ZFHX3: variants seen among roughly 807,000 people sequenced by gnomAD.
The protein encoded by ZFHX3 is zinc finger homeobox 3.
In ZFHX3, 42 loss-of-function variants were observed where a neutral mutation model predicts 279.1. The ratio of observed to expected loss-of-function variants is 0.15; its 90% CI spans 0.12 to 0.19. The LOEUF (loss-of-function observed/expected upper bound fraction) is 0.19. Among genes scored for constraint, ZFHX3 ranks in the 10% least tolerant of loss-of-function variants. ZFHX3 has a pLI of 1.00. For synonymous variants in ZFHX3, 2,293 were observed against 1,957.8 expected (o/e 1.17, Z -4.52); for missense variants, 4,981 against 4,754.0 (o/e 1.05, Z -1.40).
chr16:73,008,965 C>T (rs1351792376), intron 1 of ZFHX3, among the ~76,000 whole-genome samples: 1 of 151,096 alleles, frequency 6.6e-6, no homozygotes, highest in Admixed American at 6.6e-5. Context: ...TGTTAAAAAG[C>T]TTAATGAGGT....
At position 72,829,804 on chromosome 16, in the gene ZFHX3, C is replaced by T. The variant is rs1284237792; in HGVS notation, c.3504G>A (p.Glu1168=). 1 of 1,614,230 alleles carries T rather than the reference C, an allele frequency of 6.2e-7. No homozygotes were observed. The highest frequency in any genetic ancestry group is 8.5e-7 in the Non-Finnish European group (1 of 1,180,036). ...GPSETAADPE[E]LAKDQEGGAS... The stretch of plus-strand genomic sequence containing the variant: ...CTCCGCCCTCTTGGTCCTTAGCAAG[C>T]TCCTCTGGATCAGCAGCTGTTTCAC... The change falls in exon 5 of 10, where the codon GAG becomes GAA. Residue 1168 remains glutamate (E), a synonymous_variant. Coordinates refer to ENST00000268489, the MANE Select transcript of ZFHX3 (RefSeq NM_006885.4).
At chr16:72,877,178 G>C (rs1365105053) in intron 4 of ZFHX3, among the ~76,000 whole-genome samples, 4 of 152,188 alleles carry the variant, frequency 2.6e-5, no homozygotes, top group Non-Finnish European at 5.9e-5. Context: ...CCCAGGGTCT[G>C]GGCACAGGTC....
At chr16:73,665,478 T>G (rs892351148) in intron 2 of ZFHX3, among the ~76,000 whole-genome samples, 6 of 151,570 alleles carry the variant, frequency 4.0e-5, no homozygotes, top group Non-Finnish European at 7.4e-5. Flanking sequence ...CCTCCCAAAG[T>G]GTTGGGATTA....
At chr16:73,144,162 A>G (rs1966854649) in intron 5 of ZFHX3, 1 of 186,562 alleles carries the variant, frequency 5.4e-6, no homozygotes, top group Non-Finnish European at 1.1e-5. Flanking sequence ...TCTAAGTCGA[A>G]CTAAAGAAAT....
chr16:73,801,417 C>A (rs1436573795), intron 1 of ZFHX3, among the ~76,000 whole-genome samples: 1 of 152,182 alleles, frequency 6.6e-6, no homozygotes. Flanking sequence ...AGGCGGTGTT[C>A]AATCCTTTCC....
chr16:73,428,604 C>G lies in ZFHX3; in HGVS notation c.-1291+27399G>C, dbSNP rs528766691. On this transcript the variant is annotated intron_variant, in intron 3 of 17. Coordinates refer to the ZFHX3 transcript ENST00000641206. ...CTTAAACCGAGGGGAGTTAGCAGAGCAAATGCAGGGTCATGTCCATTTATA... is the reference window on the plus strand; with the variant it reads ...CTTAAACCGAGGGGAGTTAGCAGAGGAAATGCAGGGTCATGTCCATTTATA... 1.3e-3 allele frequency among the ~76,000 whole-genome samples: 195 copies of G among 152,236 alleles called. 1 individual carries two copies. The highest frequency in any genetic ancestry group is 1.4e-3 in the Non-Finnish European group (95 of 68,006).
chr16:72,957,853 C>A lies in ZFHX3; in HGVS notation c.2293G>T (p.Val765Phe). The A allele has an allele frequency of 6.2e-7, 1 of 1,613,886 alleles. No individual in the cohort carries two copies. The highest frequency in any genetic ancestry group is 8.5e-7 in the Non-Finnish European group (1 of 1,179,988). The change falls in exon 2 of 10, where the codon GTC (valine) becomes TTC (phenylalanine). Residue 765 changes from valine (V) to phenylalanine (F), a missense_variant. Coordinates refer to ENST00000268489, the MANE Select transcript of ZFHX3 (RefSeq NM_006885.4). ...QNLQNGGGEQ[V>F]FSHTAGAAAA... The stretch of plus-strand genomic sequence containing the variant: ...GCCGCCCCGGCAGTGTGGCTGAAGA[C>A]CTGCTCCCCCCCTCCATTCTGCAGG...
chr16:73,304,976 A>G (rs1381060169), intron 4 of ZFHX3, among the ~76,000 whole-genome samples: 1 of 152,120 alleles, frequency 6.6e-6, no homozygotes, highest in Admixed American at 6.6e-5. Flanking sequence ...CGTCTGGAAG[A>G]TAGATTCCAG....
chr16:73,449,378 C>G (rs1430592786), intron 3 of ZFHX3, among the ~76,000 whole-genome samples: 1 of 152,070 alleles, frequency 6.6e-6, no homozygotes, highest in Non-Finnish European at 1.5e-5. Context: ...TTCTTAAAAA[C>G]AAGCTGGGCA....
intron 6 of ZFHX3, among the ~76,000 whole-genome samples, chr16:73,142,860 G>A (rs182043703): frequency 3.3e-4 from 50 of 152,310 alleles, no homozygotes; most frequent in Admixed American, 1.3e-4. Flanking sequence ...AGAAACTGAC[G>A]TCCAGAAAGG....
At chr16:73,111,873 T>C (rs1215634044) in intron 7 of ZFHX3, among the ~76,000 whole-genome samples, 1 of 152,124 alleles carries the variant, frequency 6.6e-6, no homozygotes, top group Non-Finnish European at 1.5e-5. Context: ...TGTCCCCATT[T>C]TATGGATGGG....
At chr16:73,044,247 C>T (rs1015539504) in intron 1 of ZFHX3, among the ~76,000 whole-genome samples, 17 of 152,064 alleles carry the variant, frequency 1.1e-4, no homozygotes, top group African/African-American at 3.9e-4. Context: ...CATTTGGATA[C>T]CCCTATGAGG....
chr16:72,974,576 C>G (rs1962263467), intron 1 of ZFHX3, among the ~76,000 whole-genome samples: 1 of 110,802 alleles, frequency 9.0e-6, no homozygotes, highest in African/African-American at 3.3e-5. Flanking sequence ...GCAACACACA[C>G]ACACACACAC....
chr16:72,798,157 C>A lies in ZFHX3; in HGVS notation c.4525G>T (p.Asp1509Tyr). 1 of 1,614,188 alleles carries A rather than the reference C, an allele frequency of 6.2e-7. No individual in the cohort carries two copies. Among genetic ancestry groups the A allele is most frequent in the Non-Finnish European group, 8.5e-7 (1 of 1,180,036 alleles). ...GAGTCTTCTTGTACTGACCCAGAGTCACTGCCCGTTGGGCTCTGTTTATCT... is the reference window on the plus strand; with the variant it reads ...GAGTCTTCTTGTACTGACCCAGAGTAACTGCCCGTTGGGCTCTGTTTATCT... ...LEDKQSPTGS[D>Y]SGSVQEDSGS... Residue 1509 changes from aspartate (D) to tyrosine (Y), a missense_variant, in exon 9 of 10, where the codon GAC becomes TAC. Asp to Tyr is a radical substitution (Grantham distance 160). This residue lies in a region of ZFHX3 where 1,751 missense variants were observed against 1,770.0 expected (regional missense o/e 0.99). Transcript: ENST00000268489.
chr16:73,765,111 A>G (rs1056548331), intron 1 of ZFHX3, among the ~76,000 whole-genome samples: 1 of 152,108 alleles, frequency 6.6e-6, no homozygotes, highest in Non-Finnish European at 1.5e-5. Context: ...GGCCACCTTC[A>G]TTTCCCTTAA....
intron 1 of ZFHX3, among the ~76,000 whole-genome samples, chr16:73,813,004 T>C (rs975544931): frequency 1.3e-5 from 2 of 152,260 alleles, no homozygotes; most frequent in Non-Finnish European, 1.5e-5. Flanking sequence ...TGGTAGATAT[T>C]ACTCCTACTG....
At chr16:73,249,701 G>C (rs537667432) in intron 5 of ZFHX3, among the ~76,000 whole-genome samples, 1 of 152,042 alleles carries the variant, frequency 6.6e-6, no homozygotes, top group East Asian at 1.9e-4. Context: ...ATTTCCTTAG[G>C]TTTTAAAATT....
intron 5 of ZFHX3, among the ~76,000 whole-genome samples, chr16:73,157,811 T>C (rs1967132044): frequency 6.6e-6 from 1 of 152,100 alleles, no homozygotes; most frequent in Non-Finnish European, 1.5e-5. Context: ...TGGGCTGCCA[T>C]GGACGCCATT....
At chr16:73,517,980 C>A (rs1412338002) in intron 2 of ZFHX3, among the ~76,000 whole-genome samples, 1 of 152,078 alleles carries the variant, frequency 6.6e-6, no homozygotes, top group Non-Finnish European at 1.5e-5. Context: ...TTATTCAGCC[C>A]AGTATATTAC....
Sources: gnomAD v4.1 joint callset for allele counts (sites outside exome capture counted in the v4.1 genomes callset) on GRCh38, gnomAD v4.1.1 for gene constraint, gnomAD v4.1.1 regional missense constraint, MANE v1.5 for transcripts, NCBI Gene and HGNC (gene_info 2026-07-23, HGNC 2026-07-21) for gene names.